Variants in CNTN4 observed in about 807,000 individuals in gnomAD.
CNTN4 encodes contactin 4, also known as contactin-4.
In CNTN4, 77 loss-of-function variants were observed where a neutral mutation model predicts 122.5. That is an observed-to-expected ratio of 0.63 (90% CI 0.52 to 0.76). The LOEUF (loss-of-function observed/expected upper bound fraction) is 0.76. Among genes scored for constraint, CNTN4 ranks in the 30% least tolerant of loss-of-function variants. The probability of loss-of-function intolerance (pLI) is 0.00; values close to 1 mark genes in which losing one functional copy is unlikely to be tolerated. For missense variants in CNTN4, 1,256 were observed against 1,259.1 expected, an observed-to-expected ratio of 1.00 and a Z score of 0.04; for synonymous variants, 512 against 447.0, an observed-to-expected ratio of 1.15 and a Z score of -1.83.
chr3:2,768,694 T>C (rs2149749292), intron 6 of CNTN4, among the ~76,000 whole-genome samples: 1 of 152,290 alleles, frequency 6.6e-6, no homozygotes, highest in Non-Finnish European at 1.5e-5. Context: ...ACTGCTTCAC[T>C]TTCTCCTTAA....
At chr3:2,654,732 C>T (rs554708813) in intron 4 of CNTN4, among the ~76,000 whole-genome samples, 1 of 152,236 alleles carries the variant, frequency 6.6e-6, no homozygotes, top group East Asian at 1.9e-4. Flanking sequence ...TGTTTTTTCC[C>T]CCCAGTCCTT....
At chr3:2,862,974 C>T (rs377035288) in intron 7 of CNTN4, among the ~76,000 whole-genome samples, 11 of 152,264 alleles carry the variant, frequency 7.2e-5, no homozygotes, top group African/African-American at 9.6e-5. Flanking sequence ...TAAGCTAGAA[C>T]GAGTAGGTTA....
chr3:2,676,458 G>A (rs1403188616), intron 4 of CNTN4, among the ~76,000 whole-genome samples: 1 of 152,212 alleles, frequency 6.6e-6, no homozygotes, highest in African/African-American at 2.4e-5. Context: ...CTGACCTCAA[G>A]TGATCCGGCT....
chr3:3,003,362 A>G (rs1389642272), intron 14 of CNTN4, among the ~76,000 whole-genome samples: 1 of 152,176 alleles, frequency 6.6e-6, no homozygotes, highest in Non-Finnish European at 1.5e-5. Context: ...TGATGAATGG[A>G]TAAACCAAAT....
At chr3:2,862,307 C>T (rs1388058075) in intron 7 of CNTN4, among the ~76,000 whole-genome samples, 1 of 152,092 alleles carries the variant, frequency 6.6e-6, no homozygotes, top group African/African-American at 2.4e-5. Flanking sequence ...CAATGAGTAC[C>T]TGGATTTGAA....
chr3:3,025,066 C>G (rs1427050878), intron 14 of CNTN4, among the ~76,000 whole-genome samples: 3 of 152,106 alleles, frequency 2.0e-5, no homozygotes, highest in Admixed American at 2.0e-4. Flanking sequence ...ATGTATGCGG[C>G]CTTTACATTG....
intron 6 of CNTN4, among the ~76,000 whole-genome samples, chr3:2,795,520 CT>C (rs11329789): frequency 0.35 from 48,493 of 138,906 alleles, 8,134 homozygotes; most frequent in Non-Finnish European, 0.38. Context: ...AAATGGGTAT[CT>C]TTTTTTTTTT....
At chr3:2,463,179 A>G (rs2049292900) in intron 3 of CNTN4, among the ~76,000 whole-genome samples, 1 of 152,170 alleles carries the variant, frequency 6.6e-6, no homozygotes, top group Non-Finnish European at 1.5e-5. Flanking sequence ...AATGAAATAG[A>G]AGGCTGTTAT....
intron 14 of CNTN4, among the ~76,000 whole-genome samples, chr3:3,008,179 T>A (rs1696840006): frequency 6.6e-6 from 1 of 152,086 alleles, no homozygotes; most frequent in Non-Finnish European, 1.5e-5. Context: ...TTATATCAAG[T>A]TTAGACAGTT....
intron 2 of CNTN4, among the ~76,000 whole-genome samples, chr3:2,337,950 T>C (rs2044022530): frequency 6.6e-6 from 1 of 152,068 alleles, no homozygotes; most frequent in Admixed American, 6.6e-5. Flanking sequence ...GATAGGTGTT[T>C]AGATACATAC....
chr3:2,316,806 A>G lies in CNTN4; in HGVS notation c.-144-22372A>G, dbSNP rs142101639. ...TCTGTGGTTCTCGCCTTAGTAATGTACACATTACAGTTGCCAGTTGACAGG... is the reference window on the plus strand; with the variant it reads ...TCTGTGGTTCTCGCCTTAGTAATGTGCACATTACAGTTGCCAGTTGACAGG... On this transcript the variant is annotated intron_variant, in intron 2 of 24. Coordinates refer to ENST00000418658, the MANE Select transcript of CNTN4 (RefSeq NM_175607.3). Among the ~76,000 whole-genome samples, 245 of 152,338 alleles carry G rather than the reference A, an allele frequency of 1.6e-3. 1 individual carries two copies. The highest frequency in any genetic ancestry group is 2.4e-3 in the Non-Finnish European group (164 of 68,016).
intron 2 of CNTN4, among the ~76,000 whole-genome samples, chr3:2,242,360 A>G (rs749551081): frequency 8.5e-5 from 13 of 152,136 alleles, no homozygotes; most frequent in Admixed American, 4.6e-4. Context: ...GGCTGAGGCT[A>G]TATATGTTAT....
At chr3:2,545,290 T>C (rs2078198193) in intron 3 of CNTN4, among the ~76,000 whole-genome samples, 1 of 152,122 alleles carries the variant, frequency 6.6e-6, no homozygotes, top group African/African-American at 2.4e-5. Flanking sequence ...AATTGTGTGG[T>C]CAAATTTAGA....
rs76155847 is a variant in CNTN4 at position 2,398,602 on chromosome 3, T to G, written c.-89+59369T>G. On this transcript the variant is annotated intron_variant, in intron 3 of 24. Transcript: ENST00000418658. Reference sequence around the variant, plus strand: ...AATACTGTGTTGAGTAGACTGTGCATGAGATATAGGGTAGATTTAGACCTG... The same window carrying G: ...AATACTGTGTTGAGTAGACTGTGCAGGAGATATAGGGTAGATTTAGACCTG... Among the ~76,000 whole-genome samples, 633 of 152,248 alleles carry G rather than the reference T, an allele frequency of 4.2e-3. 6 individuals are homozygous for G. The highest frequency in any genetic ancestry group is 0.015 in the African/African-American group (620 of 41,566).
At chr3:2,136,990 C>T (rs1309710076) in intron 2 of CNTN4, among the ~76,000 whole-genome samples, 1 of 152,134 alleles carries the variant, frequency 6.6e-6, no homozygotes, top group African/African-American at 2.4e-5. Flanking sequence ...ACCCACCGTT[C>T]TTAAATAAGA....
intron 4 of CNTN4, among the ~76,000 whole-genome samples, chr3:2,696,967 C>T (rs2675302): frequency 0.22 from 33,357 of 151,968 alleles, 3,945 homozygotes; most frequent in South Asian, 0.43. Flanking sequence ...TACTTAGGAA[C>T]GGAAGGTTGC....
intron 13 of CNTN4, among the ~76,000 whole-genome samples, chr3:2,966,682 C>A (rs760509146): frequency 3.3e-5 from 5 of 152,124 alleles, no homozygotes; most frequent in African/African-American, 1.2e-4. Context: ...ACCCCACTTA[C>A]CCTGATGGGA....
chr3:2,492,357 G>A (rs189998201), intron 3 of CNTN4, among the ~76,000 whole-genome samples: 73 of 152,226 alleles, frequency 4.8e-4, no homozygotes, highest in Non-Finnish European at 1.0e-4. Flanking sequence ...TTTGGGCTTA[G>A]TCCTGCAGGC....
At chr3:2,613,566 A>G (rs536851843) in intron 4 of CNTN4, among the ~76,000 whole-genome samples, 1 of 152,322 alleles carries the variant, frequency 6.6e-6, no homozygotes, top group South Asian at 2.1e-4. Context: ...ATAAGATGGT[A>G]TACATAAGAC....
Sources: gnomAD v4.1 joint callset for allele counts (sites outside exome capture counted in the v4.1 genomes callset) on GRCh38, gnomAD v4.1.1 for gene constraint, MANE v1.5 for transcripts, NCBI Gene and HGNC (gene_info 2026-07-23, HGNC 2026-07-21) for gene names.